CPQ: variants seen among roughly 807,000 people sequenced by gnomAD.
The protein encoded by CPQ is carboxypeptidase Q, also known as Ser-Met dipeptidase.
In CPQ, 37 loss-of-function variants were observed where a neutral mutation model predicts 45.7. The ratio of observed to expected loss-of-function variants is 0.81; its 90% CI spans 0.62 to 1.07. The LOEUF is 1.07. CPQ is among the 50% of genes least tolerant of loss of function. The pLI is 0.00. For missense variants in CPQ, 537 were observed against 572.9 expected (o/e 0.94, Z 0.64); for synonymous variants, 186 against 205.8 (o/e 0.90, Z 0.82).
intron 5 of CPQ, among the ~76,000 whole-genome samples, chr8:96,971,546 G>A (rs552300923): frequency 7.2e-5 from 11 of 152,146 alleles, no homozygotes; most frequent in African/African-American, 1.4e-4. Context: ...TGTTGGATAC[G>A]CTTTCTGCAC....
intron 4 of CPQ, among the ~76,000 whole-genome samples, chr8:96,921,454 T>C (rs1359861052): frequency 6.6e-6 from 1 of 152,240 alleles, no homozygotes; most frequent in African/African-American, 2.4e-5. Context: ...AATGTTGATA[T>C]ACCTCTTGTT....
At chr8:96,894,551 TAAA>T (rs1038036376) in intron 4 of CPQ, among the ~76,000 whole-genome samples, 36 of 152,270 alleles carry the variant, frequency 2.4e-4, no homozygotes, top group African/African-American at 8.7e-4. Context: ...CAGCACAAGA[TAAA>T]AATCACACCA....
chr8:96,966,375 C>A (rs1813563671), intron 5 of CPQ, among the ~76,000 whole-genome samples: 1 of 152,222 alleles, frequency 6.6e-6, no homozygotes, highest in Non-Finnish European at 1.5e-5. Context: ...CTCCTACTTC[C>A]TTTCCCTTAT....
At chr8:96,984,570 A>G (rs1813974065) in intron 5 of CPQ, among the ~76,000 whole-genome samples, 1 of 152,176 alleles carries the variant, frequency 6.6e-6, no homozygotes, top group Non-Finnish European at 1.5e-5. Context: ...CAGTGCCTTG[A>G]TCTTGAACTT....
At position 96,653,841 on chromosome 8, in the gene CPQ, C is replaced by CG. The variant is rs201022531; in HGVS notation, c.-35+8440dup. Among the ~76,000 whole-genome samples the CG allele has an allele frequency of 1.9e-4, 29 of 152,108 alleles. No individual in the cohort carries two copies. The East Asian group carries it at 4.3e-3, about 22-fold the overall frequency. ...TTAGGGGTGGCAGAGGTGGAAGAAG[C>CG]GAGGAGGTGAAAGGCGAGGGAGGAG... On this transcript the variant is annotated intron_variant, in intron 1 of 7. Coordinates refer to ENST00000220763, the MANE Select transcript of CPQ (RefSeq NM_016134.4).
At chr8:96,665,084 A>G (rs1195265235) in intron 1 of CPQ, among the ~76,000 whole-genome samples, 2 of 152,216 alleles carry the variant, frequency 1.3e-5, no homozygotes, top group African/African-American at 4.8e-5. Context: ...ATAGAAGAGG[A>G]CATTCAACAT....
chr8:96,785,016 T>A lies in CPQ; in HGVS notation c.119T>A (p.Ile40Lys). 1.2e-6 allele frequency: 2 copies of A among 1,613,708 alleles called. No individual in the cohort carries two copies. The highest frequency in any genetic ancestry group is 1.7e-6 in the Non-Finnish European group (2 of 1,179,772). Residue 40 changes from isoleucine (I) to lysine (K), a missense_variant, in exon 2 of 8, where the codon ATA becomes AAA. Physicochemically the swap from Ile to Lys is moderately radical, Grantham distance 102. Coordinates refer to ENST00000220763, the MANE Select transcript of CPQ (RefSeq NM_016134.4). The part of the protein sequence containing the change: ...KRTFEEIKEE[I>K]ASCGDVAKAI... Reference sequence around the variant, plus strand: ...ACTTTTGAAGAAATAAAAGAAGAAATAGCCAGCTGTGGAGATGTTGCTAAA... The same window carrying A: ...ACTTTTGAAGAAATAAAAGAAGAAAAAGCCAGCTGTGGAGATGTTGCTAAA...
chr8:96,965,999 G>A lies in CPQ; in HGVS notation c.914G>A (p.Gly305Asp), dbSNP rs1177882980. The A allele has an allele frequency of 5.0e-6, 8 of 1,614,032 alleles. No individual in the cohort carries two copies. Among genetic ancestry groups the A allele is most frequent in the East Asian group, 2.2e-5 (1 of 44,858 alleles). Residue 305 changes from glycine (G) to aspartate (D), a missense_variant, in exon 5 of 8, where the codon GGT (glycine) becomes GAT (aspartate). By Grantham distance (94) the Gly-to-Asp change is moderately conservative. Transcript: ENST00000220763. ...GGGCAGGGTGCCATGGATGATGGCG[G>A]TGGAGCCTTTATATCATGGGAAGCA... ...DVGQGAMDDG[G>D]GAFISWEALS...
intron 5 of CPQ, among the ~76,000 whole-genome samples, chr8:96,996,336 A>G (rs1408969840): frequency 6.6e-6 from 1 of 152,000 alleles, no homozygotes; most frequent in East Asian, 1.9e-4. Flanking sequence ...AGGCTTTTTA[A>G]AAGCACAGCC....
chr8:96,725,486 C>T (rs1809824321), intron 1 of CPQ, among the ~76,000 whole-genome samples: 1 of 152,160 alleles, frequency 6.6e-6, no homozygotes, highest in South Asian at 2.1e-4. Context: ...GAAAGAAATG[C>T]TCAACATCAT....
chr8:97,081,073 A>G (rs996695099), intron 7 of CPQ, among the ~76,000 whole-genome samples: 14 of 152,206 alleles, frequency 9.2e-5, no homozygotes, highest in African/African-American at 2.9e-4. Context: ...AACCTAAGAG[A>G]AAAATGTTTG....
chr8:97,074,763 C>T (rs1376259261), intron 7 of CPQ, among the ~76,000 whole-genome samples: 2 of 151,900 alleles, frequency 1.3e-5, no homozygotes, highest in African/African-American at 4.8e-5. Context: ...AAGAGTGAGA[C>T]TCTGTCTCAA....
chr8:96,897,996 G>A (rs902027621), intron 4 of CPQ, among the ~76,000 whole-genome samples: 1 of 152,112 alleles, frequency 6.6e-6, no homozygotes, highest in African/African-American at 2.4e-5. Context: ...GACTTCTAGG[G>A]CAGAGTAGGG....
intron 4 of CPQ, among the ~76,000 whole-genome samples, chr8:96,962,967 A>G (rs552025765): frequency 1.3e-4 from 20 of 152,192 alleles, no homozygotes. Flanking sequence ...TCATTCTTCT[A>G]TAGCACTATA....
chr8:97,113,922 G>A (rs890487783), intron 7 of CPQ, among the ~76,000 whole-genome samples: 5 of 152,168 alleles, frequency 3.3e-5, no homozygotes, highest in South Asian at 2.1e-4. Flanking sequence ...TGGCTACAAC[G>A]TGGGCAGCAG....
At chr8:96,840,154 A>G (rs1811587756) in intron 3 of CPQ, among the ~76,000 whole-genome samples, 1 of 152,174 alleles carries the variant, frequency 6.6e-6, no homozygotes, top group African/African-American at 2.4e-5. Flanking sequence ...GGCAGAATTG[A>G]CCAAGAGAAA....
At chr8:97,089,142 C>G (rs1371598326) in intron 7 of CPQ, among the ~76,000 whole-genome samples, 2 of 150,370 alleles carry the variant, frequency 1.3e-5, no homozygotes, top group Non-Finnish European at 2.9e-5. Flanking sequence ...ACTCAGGAGG[C>G]TGAGACAAGA....
chr8:97,045,752 G>C (rs1187517545), intron 6 of CPQ, among the ~76,000 whole-genome samples: 1 of 152,128 alleles, frequency 6.6e-6, no homozygotes, highest in African/African-American at 2.4e-5. Context: ...TTCTACTTCT[G>C]GTTACTGTGA....
chr8:96,980,804 A>G (rs1813879890), intron 5 of CPQ, among the ~76,000 whole-genome samples: 1 of 152,156 alleles, frequency 6.6e-6, no homozygotes, highest in Non-Finnish European at 1.5e-5. Context: ...ATGAGTATAC[A>G]TGAGGCTAGT....
Sources: gnomAD v4.1 joint callset for allele counts (sites outside exome capture counted in the v4.1 genomes callset) on GRCh38, gnomAD v4.1.1 for gene constraint, MANE v1.5 for transcripts, NCBI Gene and HGNC (gene_info 2026-07-23, HGNC 2026-07-21) for gene names.